CCNDBP1: variants seen among roughly 807,000 people sequenced by gnomAD.
CCNDBP1 encodes the protein cyclin D1 binding protein 1.
CCNDBP1 carries 45 observed loss-of-function variants against 46.2 expected under a neutral mutation model. That is an observed-to-expected ratio of 0.97 (90% CI 0.77 to 1.25). CCNDBP1 has a LOEUF of 1.25. CCNDBP1 is among the 50% of genes most tolerant of loss of function. The pLI, the probability that CCNDBP1 is intolerant of heterozygous loss-of-function variation, is 0.00. For synonymous variants in CCNDBP1, 154 were observed against 163.6 expected (o/e 0.94, Z 0.45); for missense variants, 436 against 442.1 (o/e 0.99, Z 0.12).
intron 5 of CCNDBP1, 66 bp from the exon 6 acceptor site, chr15:43,190,259 G>A: frequency 1.9e-6 from 3 of 1,594,576 alleles, no homozygotes; most frequent in East Asian, 4.5e-5. Context: ...ATGACCAGCA[G>A]GAAGAAGCTT....
intron 4 of CCNDBP1, 56 bp downstream of exon 4, chr15:43,189,336 A>T: frequency 2.0e-6 from 2 of 1,013,768 alleles, no homozygotes; most frequent in Non-Finnish European, 2.9e-6. Flanking sequence ...ATTGTGGATT[A>T]TGTCTTGTGA....
At chr15:43,194,667 A>C in intron 10 of CCNDBP1, 60 bp from the exon 11 acceptor site, 1 of 1,330,840 alleles carries the variant, frequency 7.5e-7, no homozygotes, top group Middle Eastern at 1.8e-4. Context: ...CCTCCTGAGG[A>C]TAGGTTTTCC....
rs1276526782 is a variant in CCNDBP1, at chr15:43,190,042, G to C, written c.332-13G>C. The C allele has an allele frequency of 6.2e-7, 1 of 1,613,294 alleles. No homozygotes were observed. The highest frequency in any genetic ancestry group is 1.7e-5 in the Admixed American group (1 of 59,986). On this transcript the variant is annotated splice_polypyrimidine_tract_variant and intron_variant, in intron 4 of 10. Transcript: ENST00000300213. The stretch of plus-strand genomic sequence containing the variant: ...AGAACACCAGGTTGCTTATTCTTTG[G>C]GTTTGGCCACAGGGATCACCCTGAG...
chr15:43,197,099 G>C lies in CCNDBP1; in HGVS notation c.*2258G>C, dbSNP rs922924142. ...CTCCCTTCATCTTCCTGCATAAGTG[G>C]AAGCAGCCTGAAGCCCTCACTGTTT... On this transcript the variant is annotated 3_prime_UTR_variant, in exon 11 of 11. Coordinates refer to ENST00000300213, the MANE Select transcript of CCNDBP1 (RefSeq NM_012142.5). 4 of 653,626 alleles carry C rather than the reference G, an allele frequency of 6.1e-6. No individual in the cohort carries two copies. In the South Asian group the frequency reaches 7.4e-5, roughly 12 times the overall value. The allele number at this position is 653,626 out of a possible 1,614,324, so 40.5% of individuals were successfully genotyped here.
In CCNDBP1 at chr15:43,185,604, C is replaced by T. The variant is rs868184438; in HGVS notation, c.106C>T (p.Arg36Trp). The T allele has an allele frequency of 2.3e-6, 3 of 1,296,894 alleles. No homozygotes were observed. Among genetic ancestry groups the T allele is most frequent in the Non-Finnish European group, 3.0e-6 (3 of 987,648 alleles). 80.3% of individuals were successfully genotyped at this position (1,296,894 alleles called of 1,614,324 possible). A position where few individuals can be genotyped will look rare whatever the true frequency, so the allele number is the denominator to read the frequency against. Residue 36 changes from arginine to tryptophan, a missense_variant, in exon 1 of 11, where the codon CGG (arginine) becomes TGG (tryptophan). Transcript: ENST00000300213. ...EELRLLLPRV[R>W]VGEAQETTEE... is the part of the protein sequence containing the mutation. ...GCTGCGGTTGCTCCTGCCTCGAGTGCGGGGTGAGCTGACGGAGTTAGAACG... is the reference window on the plus strand; with the variant it reads ...GCTGCGGTTGCTCCTGCCTCGAGTGTGGGGTGAGCTGACGGAGTTAGAACG...
chr15:43,194,241 T>C, intron 9 of CCNDBP1, 174 bp from the exon 10 acceptor site: 3 of 521,656 alleles, frequency 5.8e-6, no homozygotes, highest in Non-Finnish European at 1.0e-5. Context: ...TCTTGCTAAA[T>C]AGAAAAGAAC....
rs774794684 is a variant in CCNDBP1, at chr15:43,194,846, T to C, written c.*5T>C. On this transcript the variant is annotated 3_prime_UTR_variant, in exon 11 of 11. Transcript: ENST00000300213. ...CAGAGTGAACTTGAATTATGACTTT[T>C]CAGGCTCATTTGTACTCTCTTCCCC... 5 of 1,560,096 alleles carry C rather than the reference T, an allele frequency of 3.2e-6. No individual in the cohort carries two copies. The highest frequency in any genetic ancestry group is 4.4e-6 in the Non-Finnish European group (5 of 1,130,970).
chr15:43,189,991 C>A, intron 4 of CCNDBP1, 64 bp from the exon 5 acceptor site: 1 of 1,383,782 alleles, frequency 7.2e-7, no homozygotes, highest in South Asian at 1.2e-5. Flanking sequence ...TGCTTAGACT[C>A]AGGAAAGCAG....
chr15:43,185,460 G>A lies in CCNDBP1; in HGVS notation c.-39G>A. ...TCGCAGTGCGGCTCCGGCAGTGGCA[G>A]CGGAGGCCTGTGTTTGCGGCCTTCG... On this transcript the variant is annotated 5_prime_UTR_variant, in exon 1 of 11. Coordinates refer to ENST00000300213, the MANE Select transcript of CCNDBP1 (RefSeq NM_012142.5). 2 of 1,472,760 alleles carry A rather than the reference G, an allele frequency of 1.4e-6. No homozygotes were observed. The highest frequency in any genetic ancestry group is 1.2e-5 in the South Asian group (1 of 83,210). The allele number at this position is 1,472,760 out of a possible 1,614,324, so 91.2% of individuals were successfully genotyped here.
At position 43,185,846 on chromosome 15, in the gene CCNDBP1, G is replaced by A. The variant is rs765022370; in HGVS notation, c.136G>A (p.Glu46Lys). The change falls in exon 2 of 11, where the codon GAG becomes AAG. Residue 46 changes from glutamate (E) to lysine (K), a missense_variant. By Grantham distance (56) the Glu-to-Lys change is moderately conservative. Transcript: ENST00000300213. ...CGGCGAAGCCCAGGAGACCACCGAG[G>A]AGTTTAATCGAGAGATGTTCTGGAG... Reference protein sequence around the residue: ...RVGEAQETTEEFNREMFWRRL... With the variant: ...RVGEAQETTEKFNREMFWRRL... 6.2e-7 allele frequency: 1 copy of A among 1,611,632 alleles called. No individual in the cohort carries two copies. The highest frequency in any genetic ancestry group is 8.5e-7 in the Non-Finnish European group (1 of 1,179,956).
intron 7 of CCNDBP1, 32 bp downstream of exon 7, chr15:43,191,074 C>G (rs1241251409): frequency 6.8e-7 from 1 of 1,479,328 alleles, no homozygotes; most frequent in South Asian, 1.1e-5. Context: ...GAAGGCAACT[C>G]CTTGACTAGT....
At chr15:43,190,924 A>G in intron 6 of CCNDBP1, 42 bp from the exon 7 acceptor site, 3 of 1,503,128 alleles carry the variant, frequency 2.0e-6, no homozygotes, top group Non-Finnish European at 2.8e-6. Context: ...AAATTGTTGG[A>G]TTTCTCCTCT....
intron 6 of CCNDBP1, 78 bp downstream of exon 6, chr15:43,190,476 A>G (rs2041930976): frequency 9.5e-7 from 1 of 1,048,560 alleles, no homozygotes; most frequent in Non-Finnish European, 1.5e-6. Context: ...GCTTTGTAAC[A>G]TGTATTTGAA....
In CCNDBP1 at chr15:43,189,234, C is replaced by CTGAT. The variant is rs765379197; in HGVS notation, c.285_286insTGAT (p.Ile96Ter). 1 of 1,612,446 alleles carries CTGAT rather than the reference C, an allele frequency of 6.2e-7. No individual in the cohort carries two copies. The highest frequency in any genetic ancestry group is 2.2e-5 in the East Asian group (1 of 44,856). ...AGTTCTGTGAACAAGTCCATGCTGC[C>CTGAT]ATCAAGGCATTTATTGCAGTGTACT... On this transcript the variant is annotated stop_gained and frameshift_variant, in exon 4 of 11. Transcript: ENST00000300213. LOFTEE classifies it high-confidence loss of function.
chr15:43,185,692 G>A (rs1463876375), intron 1 of CCNDBP1, 85 bp downstream of exon 1: 1 of 1,417,412 alleles, frequency 7.1e-7, no homozygotes, highest in Non-Finnish European at 9.4e-7. Context: ...GGAGAGGCCG[G>A]GCTCGGGGTC....
chr15:43,189,624 T>C, intron 4 of CCNDBP1: 2 of 316,142 alleles, frequency 6.3e-6, no homozygotes, highest in Non-Finnish European at 1.2e-5. Flanking sequence ...ACCCATGTTA[T>C]ATCTCACCCT....
In CCNDBP1 at chr15:43,191,303, A is replaced by G. The variant is rs543496536; in HGVS notation, c.580-92A>G. The stretch of plus-strand genomic sequence containing the variant: ...AAGTGGCTGGCTAAGATTTTTGGAC[A>G]ACTAAGACATCGTGGTAAAAGTATA... On this transcript the variant is annotated intron_variant, in intron 7 of 10. Transcript: ENST00000300213. 79 of 1,350,708 alleles carry G rather than the reference A, an allele frequency of 5.8e-5. No individual in the cohort carries two copies. In the African/African-American group the frequency reaches 1.0e-3, roughly 18 times the overall value. The allele number at this position is 1,350,708 out of a possible 1,614,324, so 83.7% of individuals were successfully genotyped here.
rs2041822844 is a variant in CCNDBP1 at position 43,186,063 on chromosome 15, T to G, written c.170-91T>G. 6 of 1,337,984 alleles carry G rather than the reference T, an allele frequency of 4.5e-6. No individual in the cohort carries two copies. In the South Asian group the frequency reaches 7.0e-5, roughly 16 times the overall value. The allele number at this position is 1,337,984 out of a possible 1,614,324, so 82.9% of individuals were successfully genotyped here. A position where few individuals can be genotyped will look rare whatever the true frequency, so the allele number is the denominator to read the frequency against. Reference sequence around the variant, plus strand: ...TTCTAACCTCGACATTCGGGAAGTGTTTTTGAGAAGTCTCGGTCGGTAAGG... The same window carrying G: ...TTCTAACCTCGACATTCGGGAAGTGGTTTTGAGAAGTCTCGGTCGGTAAGG... On this transcript the variant is annotated intron_variant, in intron 2 of 10. Transcript: ENST00000300213.
In CCNDBP1 at chr15:43,186,256, C is replaced by G. The variant is rs776699574; in HGVS notation, c.249+23C>G. On this transcript the variant is annotated intron_variant, in intron 3 of 10. Coordinates refer to ENST00000300213, the MANE Select transcript of CCNDBP1 (RefSeq NM_012142.5). ...CAGGTGGGCTTCACTTTCGTGGAAT[C>G]CTTGGGCTGCCGAGTTACACCTTAG... 1.9e-6 allele frequency: 3 copies of G among 1,587,592 alleles called. No individual in the cohort carries two copies. The South Asian group carries it at 3.3e-5, about 18-fold the overall frequency.
Sources: gnomAD v4.1 joint callset for allele counts on GRCh38, gnomAD v4.1.1 for gene constraint, MANE v1.5 for transcripts, NCBI Gene and HGNC (gene_info 2026-07-23, HGNC 2026-07-21) for gene names.